C6orf62: variants seen among roughly 807,000 people sequenced by gnomAD.
C6orf62 encodes uncharacterized protein C6orf62.
A neutral mutation model predicts 26.8 loss-of-function variants in C6orf62; 16 were observed. That is an observed-to-expected ratio of 0.60 (90% CI 0.40 to 0.91). The LOEUF is 0.91. Among genes scored for constraint, C6orf62 ranks in the 40% least tolerant of loss-of-function variants. The pLI, the probability that C6orf62 is intolerant of heterozygous loss-of-function variation, is 0.00. For synonymous variants in C6orf62, 112 were observed against 91.5 expected, an observed-to-expected ratio of 1.22 and a Z score of -1.28; for missense variants, 192 against 271.4, an observed-to-expected ratio of 0.71 and a Z score of 2.06.
At chr6:24,715,817 C>G (rs1779214472) in intron 2 of C6orf62, among the ~76,000 whole-genome samples, 1 of 135,956 alleles carries the variant, frequency 7.4e-6, no homozygotes, top group African/African-American at 2.8e-5. Flanking sequence ...CCACTGCACT[C>G]TAGCCTCAGC....
rs10946721 is a variant in C6orf62, at chr6:24,705,073, GAAAAAA to G, written c.*1058_*1063del. 7.1e-6 allele frequency: 1 copy of G among 140,838 alleles called. No individual in the cohort carries two copies. The allele number at this position is 140,838 out of a possible 1,614,324, so 8.7% of individuals were successfully genotyped here. A position where few individuals can be genotyped will look rare whatever the true frequency, so the allele number is the denominator to read the frequency against. ...CAAAGCTTTTCTTCATTTAAAAGGAGAAAAAAAAAAAAACCTATACAGTAGTCTTTC... is the reference window on the plus strand; with the variant it reads ...CAAAGCTTTTCTTCATTTAAAAGGAGAAAAAAACCTATACAGTAGTCTTTC... On this transcript the variant is annotated 3_prime_UTR_variant, in exon 5 of 5. Transcript: ENST00000378119.
intron 3 of C6orf62, chr6:24,709,490 T>TCAACTTATC: frequency 4.1e-6 from 4 of 972,310 alleles, no homozygotes; most frequent in Non-Finnish European, 4.9e-6. Flanking sequence ...TGCAAATCCC[T>TCAACTTATC]TAAACTTCAG....
intron 3 of C6orf62, chr6:24,710,266 ATTTTT>A (rs112073306): frequency 2.1e-6 from 2 of 935,154 alleles, no homozygotes; most frequent in African/African-American, 3.7e-5. Context: ...TAAAACTCCA[ATTTTT>A]TTTTTTTTTT....
chr6:24,710,460 CTTT>C (rs1370634268), intron 3 of C6orf62: 1 of 451,830 alleles, frequency 2.2e-6, no homozygotes, highest in African/African-American at 2.1e-5. Context: ...GATAGGACTT[CTTT>C]ATGTTGGTCA....
chr6:24,706,327 T>C, intron 4 of C6orf62, 65 bp from the exon 5 acceptor site: 1 of 1,581,530 alleles, frequency 6.3e-7, no homozygotes, highest in Non-Finnish European at 8.6e-7. Context: ...TCACATGAAG[T>C]CCATTTCCCA....
At chr6:24,709,867 C>A (rs1779085670) in intron 3 of C6orf62, 1 of 978,696 alleles carries the variant, frequency 1.0e-6, no homozygotes, top group Non-Finnish European at 1.2e-6. Context: ...CTGAGTTGTA[C>A]AAATAATTGT....
In C6orf62 at chr6:24,710,837, A is replaced by G. The variant is rs1358921599; in HGVS notation, c.430-1926T>C. Reference sequence around the variant, plus strand: ...AACACAGTGAGATCCTATCTCTACAAAAATAATTAGTTGGGCATGGGGTGC... The same window carrying G: ...AACACAGTGAGATCCTATCTCTACAGAAATAATTAGTTGGGCATGGGGTGC... On this transcript the variant is annotated intron_variant, in intron 3 of 4. Coordinates refer to ENST00000378119, the MANE Select transcript of C6orf62 (RefSeq NM_030939.5). Among the ~76,000 whole-genome samples the G allele has an allele frequency of 2.6e-5, 4 of 152,102 alleles. No homozygotes were observed. The East Asian group carries it at 7.8e-4, about 30-fold the overall frequency.
chr6:24,719,728 T>C (rs2127637446), upstream of C6orf62: 2 of 1,523,466 alleles, frequency 1.3e-6, no homozygotes, highest in East Asian at 2.5e-5. Flanking sequence ...GTGCGATTTA[T>C]CTTCTTGTGA....
At chr6:24,715,933 A>C (rs1779219357) in intron 2 of C6orf62, among the ~76,000 whole-genome samples, 1 of 152,118 alleles carries the variant, frequency 6.6e-6, no homozygotes, top group Non-Finnish European at 1.5e-5. Context: ...CATCCACATA[A>C]GAATGGTCTG....
intron 1 of C6orf62, 146 bp from the exon 2 acceptor site, chr6:24,716,470 G>C: frequency 1.6e-6 from 1 of 609,042 alleles, no homozygotes; most frequent in East Asian, 2.8e-5. Context: ...TTTTCAGATA[G>C]GTAATTCCTT....
intron 1 of C6orf62, 120 bp downstream of exon 1, chr6:24,718,420 C>CA: frequency 9.7e-7 from 1 of 1,029,496 alleles, no homozygotes; most frequent in East Asian, 2.7e-5. Context: ...ACAGAGCATA[C>CA]AAAGCAGACT....
intron 4 of C6orf62, among the ~76,000 whole-genome samples, chr6:24,708,302 T>C (rs997894524): frequency 2.7e-5 from 4 of 149,936 alleles, no homozygotes. Flanking sequence ...TGCAGCAAAA[T>C]TTGGGAACCA....
At chr6:24,708,656 T>TA (rs1779061444) in intron 4 of C6orf62, 121 bp downstream of exon 4, 1 of 1,382,450 alleles carries the variant, frequency 7.2e-7, no homozygotes, top group African/African-American at 1.5e-5. Context: ...GCTTTTTAAA[T>TA]AACTTCAAAA....
chr6:24,714,459 A>C lies in C6orf62; in HGVS notation c.307-19T>G. The C allele has an allele frequency of 6.4e-7, 1 of 1,552,464 alleles. No individual in the cohort carries two copies. The highest frequency in any genetic ancestry group is 1.2e-5 in the South Asian group (1 of 81,424). On this transcript the variant is annotated intron_variant, in intron 2 of 4. Coordinates refer to ENST00000378119, the MANE Select transcript of C6orf62 (RefSeq NM_030939.5). ...TTACATCCTATAAAATGATTAAAAA[A>C]AAAAAAGTTTACTTTTAAAGAAACA...
chr6:24,709,321 T>G, intron 3 of C6orf62: 15 of 985,330 alleles, frequency 1.5e-5, no homozygotes, highest in Non-Finnish European at 1.8e-5. Context: ...TTTTCAAACC[T>G]ACTCAGTCCA....
rs1779228148 is a variant in C6orf62, at chr6:24,716,315, A to C, written c.139T>G (p.Ser47Ala). ...AFVFKEKKKK[S>A]ALFEVSEVIP... is the part of the protein sequence containing the mutation. ...ACCTCAGACACTTCAAAAAGTGCTG[A>C]CTTTTTCTTCTAGAAGAAAAGAAAA... Residue 47 changes from serine (S) to alanine (A), a missense_variant, in exon 2 of 5, where the codon TCA (serine) becomes GCA (alanine). Ser to Ala is a moderately conservative substitution (Grantham distance 99). Transcript: ENST00000378119. 2 of 1,613,322 alleles carry C rather than the reference A, an allele frequency of 1.2e-6. No individual in the cohort carries two copies. Among genetic ancestry groups the C allele is most frequent in the Non-Finnish European group, 1.7e-6 (2 of 1,179,440 alleles).
chr6:24,714,732 T>C (rs1297939324), intron 2 of C6orf62, among the ~76,000 whole-genome samples: 2 of 152,162 alleles, frequency 1.3e-5, no homozygotes, highest in Non-Finnish European at 2.9e-5. Context: ...TCTCGTGACT[T>C]AGCCTCCCGA....
rs542451115 is a variant in C6orf62, at chr6:24,708,596, C to T, written c.564+181G>A. Among the ~76,000 whole-genome samples the T allele has an allele frequency of 1.6e-4, 25 of 152,318 alleles. No individual in the cohort carries two copies. The South Asian group carries it at 5.0e-3, about 30-fold the overall frequency. ...CAAGCAATATGCCCGCCTCGGCTTT[C>T]CAAAGTGCTGGGATTACAGGCATGA... is the stretch of plus-strand genomic sequence containing the variant. On this transcript the variant is annotated intron_variant, in intron 4 of 4. Coordinates refer to ENST00000378119, the MANE Select transcript of C6orf62 (RefSeq NM_030939.5).
chr6:24,706,067 A>C lies in C6orf62; in HGVS notation c.*70T>G, dbSNP rs1779000907. On this transcript the variant is annotated 3_prime_UTR_variant, in exon 5 of 5. Coordinates refer to ENST00000378119, the MANE Select transcript of C6orf62 (RefSeq NM_030939.5). The stretch of plus-strand genomic sequence containing the variant: ...TTTTCTTTAAACTCTGAAAGAATAA[A>C]GTGGTAAGAAAACAAGAAAAAAAAC... 1 of 1,580,920 alleles carries C rather than the reference A, an allele frequency of 6.3e-7. No homozygotes were observed.
Sources: gnomAD v4.1 joint callset for allele counts (sites outside exome capture counted in the v4.1 genomes callset) on GRCh38, gnomAD v4.1.1 for gene constraint, MANE v1.5 for transcripts, NCBI Gene and HGNC (gene_info 2026-07-23, HGNC 2026-07-21) for gene names.